PRKN: variants seen among roughly 807,000 people sequenced by gnomAD.
The protein encoded by PRKN is E3 ubiquitin-protein ligase parkin.
PRKN carries 56 observed loss-of-function variants against 59.5 expected under a neutral mutation model. The ratio of observed to expected loss-of-function variants is 0.94; its 90% CI spans 0.76 to 1.18. The LOEUF (loss-of-function observed/expected upper bound fraction) is 1.18, where lower values mean the gene tolerates loss of function less well. PRKN is among the 50% of genes most tolerant of loss of function. The pLI is 0.00. For missense variants in PRKN, 657 were observed against 596.4 expected, an observed-to-expected ratio of 1.10 and a Z score of -1.06; for synonymous variants, 250 against 222.1, an observed-to-expected ratio of 1.13 and a Z score of -1.12.
intron 6 of PRKN, among the ~76,000 whole-genome samples, chr6:161,871,689 G>A (rs904446822): frequency 3.9e-5 from 6 of 152,100 alleles, no homozygotes; most frequent in African/African-American, 1.2e-4. Context: ...ACATGTGAAG[G>A]TATTTGGTGG....
At chr6:162,499,468 T>A (rs149221870) in intron 1 of PRKN, among the ~76,000 whole-genome samples, 1 of 152,212 alleles carries the variant, frequency 6.6e-6, no homozygotes, top group African/African-American at 2.4e-5. Context: ...CTTATCTGCA[T>A]GCCCAGTGCC....
chr6:162,206,923 G>A lies in PRKN; in HGVS notation c.413-5671C>T, dbSNP rs534673617. On this transcript the variant is annotated intron_variant, in intron 3 of 11. Transcript: ENST00000366898. ...AGCGCTTCTTTACACATTATGGAGA[G>A]AGAACCCACTTTTCTTCATGTTGAG... Among the ~76,000 whole-genome samples, 8 of 152,310 alleles carry A rather than the reference G, an allele frequency of 5.3e-5. No homozygotes were observed. In the South Asian group the frequency reaches 1.7e-3, roughly 32 times the overall value.
rs185643236 is a variant in PRKN, at chr6:161,376,810, G to A, written c.1167+9984C>T. 1.3e-5 allele frequency among the ~76,000 whole-genome samples: 2 copies of A among 152,294 alleles called. No individual in the cohort carries two copies. Among genetic ancestry groups the A allele is most frequent in the East Asian group, 3.9e-4 (2 of 5,176 alleles). On this transcript the variant is annotated intron_variant, in intron 10 of 11. Transcript: ENST00000366898. The surrounding 1 kb of genome is among the most constrained non-coding windows in gnomAD (Gnocchi z 7.3). ...CTTCTCTTCCTGAAGGTGCTGTTGAGAGCACCCCAAGACACTCCCTGCCTG... is the reference window on the plus strand; with the variant it reads ...CTTCTCTTCCTGAAGGTGCTGTTGAAAGCACCCCAAGACACTCCCTGCCTG...
At chr6:162,489,921 G>A (rs186184742) in intron 1 of PRKN, among the ~76,000 whole-genome samples, 2 of 152,156 alleles carry the variant, frequency 1.3e-5, no homozygotes, top group African/African-American at 4.8e-5. Context: ...AAATTTCTAA[G>A]AAGTGTCTTT....
intron 2 of PRKN, among the ~76,000 whole-genome samples, chr6:162,283,087 G>C (rs1380774681): frequency 6.7e-6 from 1 of 150,056 alleles, no homozygotes; most frequent in African/African-American, 2.5e-5. Context: ...ATGTCTTTAT[G>C]GATGATGTTG....
In PRKN at chr6:161,554,478, C is replaced by G. The variant is rs993958897; in HGVS notation, c.934-5475G>C. Reference sequence around the variant, plus strand: ...TACTTATGTTGATGGTTGATGTTTTCCCAGTAATTTTGATTGCTTGAATCT... The same window carrying G: ...TACTTATGTTGATGGTTGATGTTTTGCCAGTAATTTTGATTGCTTGAATCT... On this transcript the variant is annotated intron_variant, in intron 8 of 11. Coordinates refer to ENST00000366898, the MANE Select transcript of PRKN (RefSeq NM_004562.3). The surrounding 1 kb of genome is among the most constrained non-coding windows in gnomAD (Gnocchi z 4.5). Among the ~76,000 whole-genome samples the G allele has an allele frequency of 6.6e-6, 1 of 151,252 alleles. No individual in the cohort carries two copies. Among genetic ancestry groups the G allele is most frequent in the African/African-American group, 2.4e-5 (1 of 41,116 alleles).
intron 4 of PRKN, among the ~76,000 whole-genome samples, chr6:162,175,413 T>C (rs989816444): frequency 2.0e-5 from 3 of 152,234 alleles, no homozygotes; most frequent in Non-Finnish European, 4.4e-5. Context: ...AGGTACTTTA[T>C]GAAGATGTCC....
intron 4 of PRKN, among the ~76,000 whole-genome samples, chr6:162,074,761 T>C (rs1284157716): frequency 6.6e-6 from 1 of 152,182 alleles, no homozygotes; most frequent in Non-Finnish European, 1.5e-5. Flanking sequence ...AGTCCCTCCA[T>C]GCAGGGTGTA....
chr6:161,898,523 C>T (rs1019786944), intron 6 of PRKN, among the ~76,000 whole-genome samples: 3 of 152,176 alleles, frequency 2.0e-5, no homozygotes, highest in Non-Finnish European at 4.4e-5. Flanking sequence ...ACAATTTGTG[C>T]TCCTCACAGC....
At chr6:162,663,522 G>A (rs963320967) in intron 1 of PRKN, among the ~76,000 whole-genome samples, 2 of 152,042 alleles carry the variant, frequency 1.3e-5, no homozygotes, top group African/African-American at 2.4e-5. Context: ...ATCACAAAAC[G>A]AAGAGCATTT....
chr6:162,490,787 T>C (rs1047948548), intron 1 of PRKN, among the ~76,000 whole-genome samples: 3 of 152,302 alleles, frequency 2.0e-5, no homozygotes, highest in Non-Finnish European at 2.9e-5. Context: ...AGGAAAAGCG[T>C]TGAGAGCAGC....
At chr6:162,034,914 T>G (rs1479759619) in intron 5 of PRKN, among the ~76,000 whole-genome samples, 2 of 152,230 alleles carry the variant, frequency 1.3e-5, no homozygotes, top group Admixed American at 6.5e-5. Flanking sequence ...AAAATGTTAA[T>G]GTCTTAGTCC....
intron 5 of PRKN, among the ~76,000 whole-genome samples, chr6:162,006,638 C>T (rs765228278): frequency 1.3e-5 from 2 of 152,162 alleles, no homozygotes; most frequent in East Asian, 1.9e-4. Context: ...TCTCTGCTTA[C>T]GATGCCTTGC....
At chr6:162,722,421 G>C (rs1778971035) in intron 1 of PRKN, among the ~76,000 whole-genome samples, 1 of 152,144 alleles carries the variant, frequency 6.6e-6, no homozygotes. Context: ...ACATAAATCA[G>C]CCGACTGTCA....
At chr6:162,668,062 T>C (rs1190806702) in intron 1 of PRKN, among the ~76,000 whole-genome samples, 2 of 152,210 alleles carry the variant, frequency 1.3e-5, no homozygotes, top group Non-Finnish European at 2.9e-5. Flanking sequence ...ATTTAGCTTA[T>C]AATTATGTTG....
chr6:162,359,082 AT>A (rs1429952722), intron 2 of PRKN, among the ~76,000 whole-genome samples: 164 of 104,244 alleles, frequency 1.6e-3, no homozygotes, highest in South Asian at 0.014. Context: ...AAAAAAAAAT[AT>A]ATATATATAT....
intron 3 of PRKN, among the ~76,000 whole-genome samples, chr6:162,208,984 C>T (rs1785077237): frequency 6.6e-6 from 1 of 152,086 alleles, no homozygotes; most frequent in Non-Finnish European, 1.5e-5. Context: ...AGACCTAAAA[C>T]CATAAAAACC....
chr6:161,563,406 G>A (rs1436187153), intron 8 of PRKN, among the ~76,000 whole-genome samples: 1 of 152,122 alleles, frequency 6.6e-6, no homozygotes, highest in African/African-American at 2.4e-5. Context: ...AATGCAATTG[G>A]TTCAAAGGCC....
At chr6:162,073,516 G>A (rs1228500136) in intron 4 of PRKN, among the ~76,000 whole-genome samples, 1 of 152,116 alleles carries the variant, frequency 6.6e-6, no homozygotes, top group Non-Finnish European at 1.5e-5. Flanking sequence ...GCAGTGGCAC[G>A]ATATGGCTCA....
Sources: gnomAD v4.1 joint callset for allele counts (sites outside exome capture counted in the v4.1 genomes callset) on GRCh38, gnomAD v4.1.1 for gene constraint, Gnocchi (gnomAD v3.1) non-coding constraint, MANE v1.5 for transcripts, NCBI Gene and HGNC (gene_info 2026-07-23, HGNC 2026-07-21) for gene names.